Variants in PNPT1 observed in about 807,000 individuals in gnomAD.
The protein encoded by PNPT1 is polyribonucleotide nucleotidyltransferase 1, mitochondrial.
PNPT1 carries 53 observed loss-of-function variants against 119.5 expected under a neutral mutation model. That is an observed-to-expected ratio of 0.44 (90% CI 0.36 to 0.56). The LOEUF is 0.56. Ranked by LOEUF, PNPT1 falls within the 20% of genes least tolerant of loss-of-function variation. The pLI is 0.00. For synonymous variants in PNPT1, 357 were observed against 322.1 expected (o/e 1.11, Z -1.16); for missense variants, 948 against 938.5 (o/e 1.01, Z -0.13).
In PNPT1 at chr2:55,667,084, A is replaced by T. The variant is rs891041466; in HGVS notation, c.1083T>A (p.Gly361=). Residue 361 remains glycine, a synonymous_variant, in exon 13 of 28, where the codon GGT becomes GGA. Coordinates refer to ENST00000447944, the MANE Select transcript of PNPT1 (RefSeq NM_033109.5). ...IVLNEYKRCD[G]RDLTSLRNVS... The stretch of plus-strand genomic sequence containing the variant: ...CATTCCTAAGTGAAGTCAAATCCCG[A>T]CCATCGCACCTATAGTGATATAGGA... 3 of 1,611,212 alleles carry T rather than the reference A, an allele frequency of 1.9e-6. No individual in the cohort carries two copies. In the African/African-American group the frequency reaches 4.0e-5, roughly 22 times the overall value.
chr2:55,693,631 T>C (rs1057175287), intron 1 of PNPT1, 32 bp downstream of exon 1: 7 of 1,612,756 alleles, frequency 4.3e-6, no homozygotes, highest in Non-Finnish European at 5.9e-6. Context: ...AGACACCTTA[T>C]GACAATACAG....
intron 11 of PNPT1, among the ~76,000 whole-genome samples, chr2:55,668,259 CAA>C (rs1423013290): frequency 6.6e-6 from 1 of 152,148 alleles, no homozygotes; most frequent in Admixed American, 6.5e-5. Context: ...CTTTTGGAGA[CAA>C]AGTCTCACTC....
At chr2:55,684,837 T>C in intron 4 of PNPT1, 106 bp downstream of exon 4, 2 of 1,300,712 alleles carry the variant, frequency 1.5e-6, no homozygotes, top group Non-Finnish European at 2.0e-6. Context: ...GTGGTGTTAA[T>C]GCTATGAAGG....
chr2:55,648,734 T>G (rs913431608), intron 18 of PNPT1, among the ~76,000 whole-genome samples: 1 of 152,130 alleles, frequency 6.6e-6, no homozygotes. Flanking sequence ...AGATAAAATA[T>G]TATGTTTAAT....
At chr2:55,657,874 A>G in intron 15 of PNPT1, among the ~76,000 whole-genome samples, 2 of 73,718 alleles carry the variant, frequency 2.7e-5, no homozygotes, top group African/African-American at 7.9e-5. Flanking sequence ...AAAAAAAAAA[A>G]AAAAAAAAAA....
Position 55,680,928 on chromosome 2 carries a change from G to C in PNPT1, c.454-10C>G. Reference sequence around the variant, plus strand: ...ACAGATTACACAGAACCTGGTAAAAGGGAAAAAATTTGATTTGGAAGGGTT... The same window carrying C: ...ACAGATTACACAGAACCTGGTAAAACGGAAAAAATTTGATTTGGAAGGGTT... On this transcript the variant is annotated splice_polypyrimidine_tract_variant and intron_variant, in intron 5 of 27. Coordinates refer to ENST00000447944, the MANE Select transcript of PNPT1 (RefSeq NM_033109.5). 6.2e-7 allele frequency: 1 copy of C among 1,610,900 alleles called. No individual in the cohort carries two copies. Among genetic ancestry groups the C allele is most frequent in the Admixed American group, 1.7e-5 (1 of 59,518 alleles).
chr2:55,647,322 T>C (rs1235161882), intron 19 of PNPT1, 25 bp downstream of exon 19: 2 of 1,507,000 alleles, frequency 1.3e-6, no homozygotes, highest in Non-Finnish European at 1.8e-6. Context: ...CATTATTAAA[T>C]ATTTGAAACC....
intron 12 of PNPT1, 75 bp from the exon 13 acceptor site, chr2:55,667,168 G>T: frequency 8.8e-7 from 1 of 1,142,816 alleles, no homozygotes; most frequent in Non-Finnish European, 1.3e-6. Flanking sequence ...TCTCTCCCAG[G>T]AAGTTCTCAA....
At position 55,687,983 on chromosome 2, in the gene PNPT1, T is replaced by C. The variant is rs958575216; in HGVS notation, c.162-278A>G. Among the ~76,000 whole-genome samples the C allele has an allele frequency of 2.0e-5, 3 of 152,118 alleles. No individual in the cohort carries two copies. In the East Asian group the frequency reaches 5.8e-4, roughly 29 times the overall value. On this transcript the variant is annotated intron_variant, in intron 1 of 27. Transcript: ENST00000447944. ...CTGCTTCCCTAAATGTTAATTCCCA[T>C]GTACCATCTATTTTTTTTTTGAGGT...
chr2:55,651,792 A>G (rs7557134), intron 18 of PNPT1, among the ~76,000 whole-genome samples: 1 of 140,846 alleles, frequency 7.1e-6, no homozygotes, highest in Admixed American at 7.1e-5. Flanking sequence ...AAAAAAAATT[A>G]AAAAAAAAAA....
chr2:55,675,892 A>G (rs1308208721), intron 8 of PNPT1, among the ~76,000 whole-genome samples: 2 of 152,196 alleles, frequency 1.3e-5, no homozygotes, highest in African/African-American at 4.8e-5. Flanking sequence ...GATATAAAAC[A>G]TTCCCTTCAC....
rs1480569955 is a variant in PNPT1, at chr2:55,691,869, TATATATA to T, written c.161+1787_161+1793del. Among the ~76,000 whole-genome samples the T allele has an allele frequency of 4.9e-3, 85 of 17,334 alleles. 1 individual carries two copies. The highest frequency in any genetic ancestry group is 7.9e-3 in the Non-Finnish European group (63 of 7,960). The allele number at this position is 17,334 out of a possible 152,430, so 11.4% of individuals were successfully genotyped here. A position where few individuals can be genotyped will look rare whatever the true frequency, so the allele number is the denominator to read the frequency against. On this transcript the variant is annotated intron_variant, in intron 1 of 27. Coordinates refer to ENST00000447944, the MANE Select transcript of PNPT1 (RefSeq NM_033109.5). The stretch of plus-strand genomic sequence containing the variant: ...ATGTTTATATATATATATATATATA[TATATATA>T]TATTTTTTTTTTTTTTTTTTTTTTT...
At position 55,634,886 on chromosome 2, in the gene PNPT1, AT is replaced by A; in HGVS notation, c.*1350del. The A allele has an allele frequency of 6.6e-6, 1 of 150,468 alleles. No individual in the cohort carries two copies. Among genetic ancestry groups the A allele is most frequent in the Non-Finnish European group, 1.5e-5 (1 of 67,576 alleles). 9.3% of individuals were successfully genotyped at this position (150,468 alleles called of 1,614,324 possible). ...TACCTACATTTTTATAAGATTTAAAATTTTTTTTAGAGATAAGAGTCCTGCT... is the reference window on the plus strand; with the variant it reads ...TACCTACATTTTTATAAGATTTAAAATTTTTTTAGAGATAAGAGTCCTGCT... On this transcript the variant is annotated 3_prime_UTR_variant, in exon 28 of 28. Transcript: ENST00000447944.
chr2:55,641,798 A>T (rs1695840736), intron 25 of PNPT1, among the ~76,000 whole-genome samples: 3 of 151,962 alleles, frequency 2.0e-5, no homozygotes, highest in Non-Finnish European at 2.9e-5. Flanking sequence ...TCCTAAAAAA[A>T]CAAGCTCTTC....
chr2:55,670,952 G>C (rs760371714), intron 11 of PNPT1, among the ~76,000 whole-genome samples: 6 of 135,700 alleles, frequency 4.4e-5, no homozygotes, highest in Non-Finnish European at 9.3e-5. Flanking sequence ...ACATTTATTT[G>C]AGATCTTCAA....
chr2:55,634,927 G>A lies in PNPT1; in HGVS notation c.*1310C>T, dbSNP rs1180538335. The A allele has an allele frequency of 1.3e-5, 2 of 152,246 alleles. No homozygotes were observed. The highest frequency in any genetic ancestry group is 2.9e-5 in the Non-Finnish European group (2 of 68,032). 9.4% of individuals were successfully genotyped at this position (152,246 alleles called of 1,614,324 possible). A position where few individuals can be genotyped will look rare whatever the true frequency, so the allele number is the denominator to read the frequency against. ...AGAGTCCTGCTATGTTGCCCAGGCT[G>A]GAGTACAGTAGCTATTCACAGGTAT... On this transcript the variant is annotated 3_prime_UTR_variant, in exon 28 of 28. Coordinates refer to ENST00000447944, the MANE Select transcript of PNPT1 (RefSeq NM_033109.5).
At chr2:55,645,695 T>C (rs1446706281) in intron 21 of PNPT1, among the ~76,000 whole-genome samples, 5 of 152,170 alleles carry the variant, frequency 3.3e-5, no homozygotes. Context: ...TTAGTTGTGC[T>C]TCTTCTTTTT....
At chr2:55,683,952 T>A in intron 4 of PNPT1, 118 bp from the exon 5 acceptor site, 1 of 895,518 alleles carries the variant, frequency 1.1e-6, no homozygotes, top group Non-Finnish European at 1.7e-6. Context: ...CCCCTTGGAC[T>A]GATTTACTAA....
Position 55,662,774 on chromosome 2 carries a change from A to G in PNPT1, c.1177-748T>C, listed in dbSNP as rs769301084. ...ACAATGTATCATTCACAACATCCAG[A>G]AAACAACCTACAATGAAACAGGAAA... On this transcript the variant is annotated intron_variant, in intron 13 of 27. Coordinates refer to ENST00000447944, the MANE Select transcript of PNPT1 (RefSeq NM_033109.5). 4.1e-4 allele frequency among the ~76,000 whole-genome samples: 62 copies of G among 152,296 alleles called. 1 individual carries two copies. The highest frequency in any genetic ancestry group is 1.2e-3 in the East Asian group (6 of 5,182).
Sources: gnomAD v4.1 joint callset for allele counts (sites outside exome capture counted in the v4.1 genomes callset) on GRCh38, gnomAD v4.1.1 for gene constraint, MANE v1.5 for transcripts, NCBI Gene and HGNC (gene_info 2026-07-23, HGNC 2026-07-21) for gene names.